The following ZFP62 variants were observed in gnomAD, a reference collection of about 807,000 sequenced individuals.
The protein encoded by ZFP62 is zinc finger protein 62 homolog.
ZFP62 carries 44 observed loss-of-function variants against 56.4 expected under a neutral mutation model. That is an observed-to-expected ratio of 0.78 (90% CI 0.61 to 1.00). ZFP62 has a LOEUF of 1.00. ZFP62 is among the 50% of genes least tolerant of loss of function. ZFP62 has a pLI of 0.00. For missense variants in ZFP62, 1,030 were observed against 1,085.7 expected (o/e 0.95, Z 0.72); for synonymous variants, 421 against 388.9 (o/e 1.08, Z -0.97).
At chr5:180,831,608 G>C in the ZFP62 span, 2 of 152,684 alleles carry the variant, frequency 1.3e-5, no homozygotes, top group South Asian at 4.1e-4. Flanking sequence ...GGCCCAGCAG[G>C]GGGCGGGGAC....
chr5:180,835,618 C>G, the ZFP62 span: 1 of 152,172 alleles, frequency 6.6e-6, no homozygotes, highest in Non-Finnish European at 1.5e-5. Flanking sequence ...AATGAGTTAA[C>G]ATAAGTAAAA....
chr5:180,844,151 T>C (rs1773365533), downstream of ZFP62, among the ~76,000 whole-genome samples: 1 of 152,232 alleles, frequency 6.6e-6, no homozygotes, highest in African/African-American at 2.4e-5. Flanking sequence ...CAACTTTTGC[T>C]CTCATTCTTA....
At chr5:180,831,333 C>G in the ZFP62 span, 1 of 152,292 alleles carries the variant, frequency 6.6e-6, no homozygotes, top group Non-Finnish European at 1.5e-5. Context: ...GGAGCCGGGG[C>G]GCCTCGGAGG....
Position 180,850,892 on chromosome 5 carries a change from T to A in ZFP62, c.603A>T (p.Glu201Asp), listed in dbSNP as rs760447441. ...HTGEKPYKCE[E>D]CGKAYMSYSS... ...AGTAGGACATGTAGGCTTTCCCACA[T>A]TCCTCACACTTGTACGGCTTCTCCC... Residue 201 changes from glutamate to aspartate, a missense_variant, in exon 2 of 2, where the codon GAA (glutamate) becomes GAT (aspartate). Glu to Asp is a conservative substitution (Grantham distance 45, BLOSUM62 2). Transcript: ENST00000502412. 1.3e-5 allele frequency: 20 copies of A among 1,565,224 alleles called. No individual in the cohort carries two copies. The South Asian group carries it at 2.0e-4, about 16-fold the overall frequency.
chr5:180,855,446 T>G (rs1481793373), intron 1 of ZFP62, among the ~76,000 whole-genome samples: 4 of 152,202 alleles, frequency 2.6e-5, no homozygotes, highest in African/African-American at 9.6e-5. Context: ...GTCTTCAGGC[T>G]GCTGCTTGCC....
the ZFP62 span, among the ~76,000 whole-genome samples, chr5:180,842,020 T>C: frequency 3.5e-4 from 54 of 152,304 alleles, 1 homozygote; most frequent in Middle Eastern, 6.8e-3. Context: ...TACTCCAACC[T>C]TGGGCGACAG....
chr5:180,829,559 C>T, the ZFP62 span, among the ~76,000 whole-genome samples: 1 of 152,216 alleles, frequency 6.6e-6, no homozygotes, highest in Non-Finnish European at 1.5e-5. Context: ...TAGAAAGAAC[C>T]TATGTTGAAA....
In ZFP62 at chr5:180,847,871, C is replaced by A; in HGVS notation, c.*921G>T. 1 of 985,382 alleles carries A rather than the reference C, an allele frequency of 1.0e-6. No homozygotes were observed. Among genetic ancestry groups the A allele is most frequent in the Non-Finnish European group, 1.2e-6 (1 of 829,918 alleles). 61.0% of individuals were successfully genotyped at this position (985,382 alleles called of 1,614,324 possible). A position where few individuals can be genotyped will look rare whatever the true frequency, so the allele number is the denominator to read the frequency against. On this transcript the variant is annotated 3_prime_UTR_variant, in exon 2 of 2. Coordinates refer to ENST00000502412, the MANE Select transcript of ZFP62 (RefSeq NM_001172638.2). ...GCTTTTTAGCTTCTGCAATAAAATG[C>A]GTTCCTTCTCAGCATTTCTATTCAT...
chr5:180,840,825 G>A, the ZFP62 span, among the ~76,000 whole-genome samples: 1 of 150,968 alleles, frequency 6.6e-6, no homozygotes, highest in East Asian at 1.9e-4. Flanking sequence ...GTGTGTGTTG[G>A]GGTTGGGGAG....
the ZFP62 span, chr5:180,830,009 A>G: frequency 6.6e-6 from 1 of 152,124 alleles, no homozygotes; most frequent in African/African-American, 2.4e-5. Flanking sequence ...TGTCCCCATG[A>G]AATATCTCCA....
At chr5:180,857,086 C>A (rs1303693044) in intron 1 of ZFP62, among the ~76,000 whole-genome samples, 1 of 151,892 alleles carries the variant, frequency 6.6e-6, no homozygotes, top group Non-Finnish European at 1.5e-5. Flanking sequence ...TGGTGTTCAC[C>A]CCCCGAAGAC....
chr5:180,828,483 G>C, the ZFP62 span, among the ~76,000 whole-genome samples: 1 of 152,308 alleles, frequency 6.6e-6, no homozygotes, highest in Admixed American at 6.5e-5. Flanking sequence ...AGCTGTGGCA[G>C]AAGAACATAA....
chr5:180,849,094 T>C lies in ZFP62; in HGVS notation c.2401A>G (p.Ile801Val). The change falls in exon 2 of 2, where the codon ATC becomes GTC. Residue 801 changes from isoleucine (I) to valine (V), a missense_variant. Ile to Val is a conservative substitution (Grantham distance 29, BLOSUM62 3). Transcript: ENST00000502412. ...GKAYISHSSLINHKSVHQGKQ... is the reference protein window; with the variant it reads ...GKAYISHSSLVNHKSVHQGKQ... Reference sequence around the variant, plus strand: ...CCCTGGTGGACACTTTTATGATTGATAAGACTTGAGTGTGAGATGTATGCC... The same window carrying C: ...CCCTGGTGGACACTTTTATGATTGACAAGACTTGAGTGTGAGATGTATGCC... The C allele has an allele frequency of 1.3e-6, 2 of 1,553,586 alleles. No individual in the cohort carries two copies. The highest frequency in any genetic ancestry group is 1.7e-6 in the Non-Finnish European group (2 of 1,148,044).
Position 180,848,565 on chromosome 5 carries a change from T to C in ZFP62, c.*227A>G. On this transcript the variant is annotated 3_prime_UTR_variant, in exon 2 of 2. Coordinates refer to ENST00000502412, the MANE Select transcript of ZFP62 (RefSeq NM_001172638.2). ...ACATTCCATCACTCAGATCTAAGTTTTTCTCTCAAGTATGGACTGTTTTAT... is the reference window on the plus strand; with the variant it reads ...ACATTCCATCACTCAGATCTAAGTTCTTCTCTCAAGTATGGACTGTTTTAT... The C allele has an allele frequency of 8.1e-7, 1 of 1,235,958 alleles. No homozygotes were observed. Among genetic ancestry groups the C allele is most frequent in the South Asian group, 3.7e-5 (1 of 26,770 alleles). The allele number at this position is 1,235,958 out of a possible 1,614,324, so 76.6% of individuals were successfully genotyped here. A position where few individuals can be genotyped will look rare whatever the true frequency, so the allele number is the denominator to read the frequency against.
intron 1 of ZFP62, among the ~76,000 whole-genome samples, chr5:180,856,235 A>C (rs1320072263): frequency 6.6e-6 from 1 of 152,220 alleles, no homozygotes; most frequent in African/African-American, 2.4e-5. Flanking sequence ...CACCTGATGT[A>C]GTTCATCCAA....
At position 180,850,148 on chromosome 5, in the gene ZFP62, A is replaced by C; in HGVS notation, c.1347T>G (p.Tyr449Ter). The C allele has an allele frequency of 6.4e-7, 1 of 1,551,770 alleles. No homozygotes were observed. The highest frequency in any genetic ancestry group is 8.7e-7 in the Non-Finnish European group (1 of 1,147,030). Reference sequence around the variant, plus strand: ...ACGTTTTCCCACACACATCACATACATAAGGTCTCTCTCCGGTATGAATAG... The same window carrying C: ...ACGTTTTCCCACACACATCACATACCTAAGGTCTCTCTCCGGTATGAATAG... ...HRTIHTGERP[Y>*]VCDVCGKTFR... is the part of the protein sequence containing the mutation. The change falls in exon 2 of 2, where the codon TAT (tyrosine) becomes TAG (stop). Residue 449 changes from tyrosine (Y) to a stop codon, truncating the protein, a stop_gained. Coordinates refer to ENST00000502412, the MANE Select transcript of ZFP62 (RefSeq NM_001172638.2). LOFTEE classifies it high-confidence loss of function.
the ZFP62 span, chr5:180,830,540 C>A: frequency 6.6e-6 from 1 of 152,632 alleles, no homozygotes; most frequent in Non-Finnish European, 1.5e-5. Context: ...CCTAAGCCAC[C>A]ACCATCAGGG....
At chr5:180,835,397 C>T in the ZFP62 span, 2 of 152,214 alleles carry the variant, frequency 1.3e-5, no homozygotes, top group Non-Finnish European at 2.9e-5. Flanking sequence ...AACTTAGTTA[C>T]ACCATGTGCC....
chr5:180,839,626 A>T, the ZFP62 span, among the ~76,000 whole-genome samples: 1 of 152,218 alleles, frequency 6.6e-6, no homozygotes, highest in East Asian at 1.9e-4. Flanking sequence ...GAAGGGCAGG[A>T]GGAGGAAGAG....
Sources: allele counts gnomAD v4.1 joint callset (sites outside exome capture counted in the v4.1 genomes callset), GRCh38; gene constraint gnomAD v4.1.1; transcripts MANE v1.5; gene names NCBI Gene and HGNC (gene_info 2026-07-23, HGNC 2026-07-21).